Variants in TMPRSS11F observed in about 807,000 individuals in gnomAD.
TMPRSS11F encodes the protein transmembrane protease serine 11F.
TMPRSS11F carries 47 observed loss-of-function variants against 60.2 expected under a neutral mutation model. That is an observed-to-expected ratio of 0.78 (90% confidence interval 0.62 to 1.00). The LOEUF is 1.00. Ranked by LOEUF, TMPRSS11F falls within the 50% of genes least tolerant of loss-of-function variation. The pLI is 0.00. For missense variants in TMPRSS11F, 519 were observed against 522.9 expected, an observed-to-expected ratio of 0.99 and a Z score of 0.07; for synonymous variants, 166 against 167.3, an observed-to-expected ratio of 0.99 and a Z score of 0.06.
chr4:68,108,532 C>T (rs1479197229), intron 1 of TMPRSS11F, among the ~76,000 whole-genome samples: 2 of 152,144 alleles, frequency 1.3e-5, no homozygotes, highest in African/African-American at 4.8e-5. Flanking sequence ...CATAATGGAG[C>T]CCTGGGCAGC....
chr4:68,075,868 C>T (rs1723572833), intron 3 of TMPRSS11F, among the ~76,000 whole-genome samples: 1 of 152,008 alleles, frequency 6.6e-6, no homozygotes, highest in Non-Finnish European at 1.5e-5. Flanking sequence ...TGGTAGGCGC[C>T]TGTAGTCCCA....
At chr4:68,089,703 C>T (rs558000060) in intron 3 of TMPRSS11F, among the ~76,000 whole-genome samples, 2 of 152,128 alleles carry the variant, frequency 1.3e-5, no homozygotes, top group South Asian at 4.1e-4. Context: ...AATATTTTCT[C>T]ACATTGTGAA....
At chr4:68,065,067 T>G in intron 7 of TMPRSS11F, 123 bp from the exon 8 acceptor site, 1 of 989,106 alleles carries the variant, frequency 1.0e-6, no homozygotes, top group Non-Finnish European at 1.4e-6. Flanking sequence ...TGAGAAAGTT[T>G]GTAGTTGATA....
chr4:68,123,057 C>T (rs1228099501), intron 1 of TMPRSS11F, among the ~76,000 whole-genome samples: 1 of 152,156 alleles, frequency 6.6e-6, no homozygotes, highest in Non-Finnish European at 1.5e-5. Context: ...AATAAATCCC[C>T]ACAATACAAA....
At chr4:68,090,775 C>G in intron 2 of TMPRSS11F, 134 bp from the exon 3 acceptor site, 2 of 1,410,786 alleles carry the variant, frequency 1.4e-6, no homozygotes, top group Non-Finnish European at 1.9e-6. Flanking sequence ...TTCTTGAAGA[C>G]ACTTCTCAAA....
chr4:68,117,370 G>A (rs1724546387), intron 1 of TMPRSS11F, among the ~76,000 whole-genome samples: 1 of 150,770 alleles, frequency 6.6e-6, no homozygotes, highest in Admixed American at 6.6e-5. Context: ...GGGGGGCTGA[G>A]GCAGGAGAAT....
chr4:68,123,731 C>T (rs1276015383), intron 1 of TMPRSS11F, among the ~76,000 whole-genome samples: 1 of 152,060 alleles, frequency 6.6e-6, no homozygotes, highest in Non-Finnish European at 1.5e-5. Flanking sequence ...AAATGTCCCA[C>T]TGATTTGCTA....
At chr4:68,069,893 C>T in intron 6 of TMPRSS11F, 76 bp downstream of exon 6, 1 of 1,264,142 alleles carries the variant, frequency 7.9e-7, no homozygotes, top group Admixed American at 2.2e-5. Context: ...GTAAACTTTA[C>T]TGCCAACTTT....
chr4:68,070,413 C>T (rs1723432493), intron 5 of TMPRSS11F, among the ~76,000 whole-genome samples: 3 of 152,166 alleles, frequency 2.0e-5, no homozygotes, highest in African/African-American at 7.2e-5. Context: ...TTCCTAATGG[C>T]CAGTCAGAAA....
intron 1 of TMPRSS11F, among the ~76,000 whole-genome samples, chr4:68,107,539 T>C (rs577084808): frequency 3.9e-5 from 6 of 152,082 alleles, no homozygotes; most frequent in Admixed American, 3.9e-4. Flanking sequence ...GACCCTGAGG[T>C]AGGAGCAGAC....
At chr4:68,102,375 A>G (rs971239740) in intron 1 of TMPRSS11F, among the ~76,000 whole-genome samples, 1 of 152,038 alleles carries the variant, frequency 6.6e-6, no homozygotes, top group Admixed American at 6.6e-5. Context: ...TTATATTTTT[A>G]ATTTCTTTAG....
rs1287154468 is a variant in TMPRSS11F, at chr4:68,097,606, A to G, written c.163+1281T>C. On this transcript the variant is annotated intron_variant, in intron 2 of 9. Transcript: ENST00000356291. ...ACAGATTCTAACAATTAGGACATGG[A>G]CATCTTGGCATGGGAATGGGGCATT... 2.0e-5 allele frequency among the ~76,000 whole-genome samples: 3 copies of G among 152,222 alleles called. No homozygotes were observed. In the East Asian group the frequency reaches 5.8e-4, roughly 29 times the overall value.
At chr4:68,118,258 T>C (rs1185714651) in intron 1 of TMPRSS11F, among the ~76,000 whole-genome samples, 2 of 152,176 alleles carry the variant, frequency 1.3e-5, no homozygotes, top group African/African-American at 2.4e-5. Flanking sequence ...TTAATCACAA[T>C]TGAAAACACC....
chr4:68,062,881 T>C, intron 8 of TMPRSS11F: 1 of 787,254 alleles, frequency 1.3e-6, no homozygotes. Flanking sequence ...CCCAATTTTT[T>C]AAGTGGCTGC....
At chr4:68,067,433 G>A (rs775580219) in intron 7 of TMPRSS11F, among the ~76,000 whole-genome samples, 1 of 152,146 alleles carries the variant, frequency 6.6e-6, no homozygotes, top group Non-Finnish European at 1.5e-5. Context: ...TATTTCAATC[G>A]CCACAGCCTG....
At chr4:68,073,018 T>G (rs1050499441) in intron 4 of TMPRSS11F, among the ~76,000 whole-genome samples, 1 of 152,088 alleles carries the variant, frequency 6.6e-6, no homozygotes, top group Non-Finnish European at 1.5e-5. Flanking sequence ...TGGAAAGAAA[T>G]AATGTTCCCC....
rs111465468 is a variant in TMPRSS11F at position 68,098,969 on chromosome 4, T to G, written c.81A>C (p.Ser27=). The part of the protein sequence containing the change: ...EYQRKQQFWD[S]VRLALFTLAI... ...CTAATGTGAAAAGAGCTAGCCGTAC[T>G]GAGTCCCAAAATTGCTGCTTTCTTT... The change falls in exon 2 of 10, where the codon TCA becomes TCC. Residue 27 remains serine (S), a synonymous_variant. Transcript: ENST00000356291. 1 of 1,613,284 alleles carries G rather than the reference T, an allele frequency of 6.2e-7. No homozygotes were observed. The highest frequency in any genetic ancestry group is 8.5e-7 in the Non-Finnish European group (1 of 1,179,602).
intron 2 of TMPRSS11F, among the ~76,000 whole-genome samples, chr4:68,094,825 T>C (rs1724038875): frequency 6.6e-6 from 1 of 150,886 alleles, no homozygotes; most frequent in Non-Finnish European, 1.5e-5. Flanking sequence ...AATAGTAAAA[T>C]CTTTAAAATA....
At chr4:68,090,792 G>A in intron 2 of TMPRSS11F, 151 bp from the exon 3 acceptor site, 1 of 1,323,714 alleles carries the variant, frequency 7.6e-7, no homozygotes, top group Middle Eastern at 2.3e-4. Context: ...CAAATACTCT[G>A]TAATTTCACC....
Sources: allele counts gnomAD v4.1 joint callset (sites outside exome capture counted in the v4.1 genomes callset), GRCh38; gene constraint gnomAD v4.1.1; transcripts MANE v1.5; gene names NCBI Gene and HGNC (gene_info 2026-07-23, HGNC 2026-07-21).